Variants in ENTHD1 observed in about 807,000 individuals in gnomAD.
ENTHD1 encodes ENTH domain-containing protein 1.
In ENTHD1, 23 loss-of-function variants were observed where a neutral mutation model predicts 39.1. The ratio of observed to expected loss-of-function variants is 0.59; its 90% CI spans 0.42 to 0.83. The LOEUF (loss-of-function observed/expected upper bound fraction) is 0.83. ENTHD1 is among the 40% of genes least tolerant of loss of function. The pLI, the probability that ENTHD1 is intolerant of heterozygous loss-of-function variation, is 0.00. For synonymous variants in ENTHD1, 230 were observed against 258.2 expected, an observed-to-expected ratio of 0.89 and a Z score of 1.05; for missense variants, 624 against 705.4, an observed-to-expected ratio of 0.88 and a Z score of 1.31.
At chr22:39,778,945 C>T (rs1358529843) in intron 5 of ENTHD1, among the ~76,000 whole-genome samples, 1 of 152,088 alleles carries the variant, frequency 6.6e-6, no homozygotes, top group Non-Finnish European at 1.5e-5. Flanking sequence ...TTATTAAGCA[C>T]AGAAGATAAA....
In ENTHD1 at chr22:39,823,958, T is replaced by C. The variant is rs2065803875; in HGVS notation, c.712-2845A>G. ...CCATCTGTATTTGTTAAAATGACTG[T>C]TCATAACATGTGCCCATTTTCTAAT... On this transcript the variant is annotated intron_variant, in intron 4 of 6. Transcript: ENST00000325157. Among the ~76,000 whole-genome samples, 3 of 152,220 alleles carry C rather than the reference T, an allele frequency of 2.0e-5. No homozygotes were observed. In the South Asian group the frequency reaches 6.2e-4, roughly 31 times the overall value.
At chr22:39,750,500 C>T in intron 6 of ENTHD1, 1 of 153,430 alleles carries the variant, frequency 6.5e-6, no homozygotes. Flanking sequence ...AATGAAGCTG[C>T]AATTAAAAAA....
intron 4 of ENTHD1, among the ~76,000 whole-genome samples, chr22:39,824,370 C>T (rs1270759272): frequency 6.6e-6 from 1 of 151,812 alleles, no homozygotes; most frequent in Non-Finnish European, 1.5e-5. Flanking sequence ...CCACCACGAC[C>T]AGGTAATTTT....
At position 39,743,994 on chromosome 22, in the gene ENTHD1, C is replaced by A. The variant is rs2065082787; in HGVS notation, c.1509G>T (p.Lys503Asn). ...GACTACTAGAAATGTGACTTATATT[C>A]TTTTTAGCAGAATCAGAGTTATTTG... The part of the protein sequence containing the change: ...ILPNNSDSAK[K>N]NISHISSSHW... Residue 503 changes from lysine to asparagine, a missense_variant, in exon 7 of 7, where the codon AAG becomes AAT. By Grantham distance (94) the Lys-to-Asn change is moderately conservative. Transcript: ENST00000325157. 6.2e-7 allele frequency: 1 copy of A among 1,614,004 alleles called. No homozygotes were observed. The highest frequency in any genetic ancestry group is 1.1e-5 in the South Asian group (1 of 91,082).
intron 5 of ENTHD1, among the ~76,000 whole-genome samples, chr22:39,780,131 T>C (rs2065396642): frequency 6.6e-6 from 1 of 152,148 alleles, no homozygotes; most frequent in African/African-American, 2.4e-5. Flanking sequence ...TCCAGGACTT[T>C]GGGAGGCCAA....
chr22:39,880,452 T>C (rs796918504), intron 2 of ENTHD1, among the ~76,000 whole-genome samples: 5 of 152,240 alleles, frequency 3.3e-5, no homozygotes, highest in East Asian at 1.9e-4. Flanking sequence ...ACACCAAGAG[T>C]GCACCTTAAA....
intron 5 of ENTHD1, among the ~76,000 whole-genome samples, chr22:39,800,438 T>TTAATGCA (rs2065589631): frequency 1.3e-5 from 2 of 152,240 alleles, no homozygotes; most frequent in Non-Finnish European, 2.9e-5. Flanking sequence ...CATGTCAGGA[T>TTAATGCA]GAGATTAATC....
intron 5 of ENTHD1, among the ~76,000 whole-genome samples, chr22:39,772,716 T>C (rs1371438892): frequency 1.3e-5 from 2 of 152,142 alleles, no homozygotes; most frequent in Non-Finnish European, 2.9e-5. Flanking sequence ...AAAGATCTAA[T>C]TATATGCTGT....
intron 5 of ENTHD1, among the ~76,000 whole-genome samples, chr22:39,805,543 C>T (rs143690725): frequency 1.3e-5 from 2 of 152,252 alleles, no homozygotes; most frequent in African/African-American, 4.8e-5. Context: ...AGAAACACAG[C>T]TGCACAATTA....
intron 2 of ENTHD1, chr22:39,875,445 G>A (rs899260038): frequency 2.1e-5 from 32 of 1,521,396 alleles, no homozygotes; most frequent in Non-Finnish European, 2.8e-5. Flanking sequence ...TTCCTCAGCC[G>A]GGAGTCGCTG....
At chr22:39,854,949 T>G (rs1169071549) in intron 3 of ENTHD1, among the ~76,000 whole-genome samples, 2 of 152,210 alleles carry the variant, frequency 1.3e-5, no homozygotes. Context: ...CTCCATTTTC[T>G]CTAATGCAAA....
chr22:39,855,029 TA>T (rs1384581753), intron 3 of ENTHD1, among the ~76,000 whole-genome samples: 7 of 152,234 alleles, frequency 4.6e-5, no homozygotes, highest in Non-Finnish European at 8.8e-5. Context: ...CTCTACAGTC[TA>T]TCTTTAAACA....
At chr22:39,886,010 C>T (rs1485622552) in intron 2 of ENTHD1, among the ~76,000 whole-genome samples, 1 of 151,582 alleles carries the variant, frequency 6.6e-6, no homozygotes, top group African/African-American at 2.4e-5. Flanking sequence ...TATAACTGTA[C>T]ACCTTAAATG....
intron 5 of ENTHD1, among the ~76,000 whole-genome samples, chr22:39,777,877 A>G (rs934487688): frequency 2.6e-5 from 4 of 152,196 alleles, no homozygotes; most frequent in Non-Finnish European, 5.9e-5. Flanking sequence ...ATCTATTGCA[A>G]CGTTTCCTGT....
At chr22:39,861,395 C>G (rs2066138794) in intron 3 of ENTHD1, among the ~76,000 whole-genome samples, 1 of 152,048 alleles carries the variant, frequency 6.6e-6, no homozygotes, top group Non-Finnish European at 1.5e-5. Context: ...CAAAAATTAG[C>G]TGGGCATGGT....
Position 39,878,801 on chromosome 22 carries a change from TAATAA to T in ENTHD1, c.349+8594_349+8598del, listed in dbSNP as rs1220625925. 4.6e-5 allele frequency among the ~76,000 whole-genome samples: 7 copies of T among 152,204 alleles called. 1 individual carries two copies. Among genetic ancestry groups the T allele is most frequent in the African/African-American group, 1.7e-4 (7 of 41,564 alleles). Reference sequence around the variant, plus strand: ...AAATAAAAACTTTCTTATTATTTATTAATAAAATAATAGCAACAATGTATTTGATT... The same window carrying T: ...AAATAAAAACTTTCTTATTATTTATTAATAATAGCAACAATGTATTTGATT... On this transcript the variant is annotated intron_variant, in intron 2 of 6. Transcript: ENST00000325157.
intron 5 of ENTHD1, among the ~76,000 whole-genome samples, chr22:39,812,614 A>G (rs1330728575): frequency 1.3e-5 from 2 of 152,142 alleles, no homozygotes; most frequent in African/African-American, 4.8e-5. Flanking sequence ...AGCAAGGATG[A>G]CCTCAACAGG....
chr22:39,748,732 T>C (rs2065126590), intron 6 of ENTHD1, among the ~76,000 whole-genome samples: 2 of 152,108 alleles, frequency 1.3e-5, no homozygotes, highest in South Asian at 2.1e-4. Context: ...CCCCATGTTA[T>C]CATATATATT....
chr22:39,809,614 C>T (rs989980546), intron 5 of ENTHD1, among the ~76,000 whole-genome samples: 11 of 152,166 alleles, frequency 7.2e-5, no homozygotes, highest in African/African-American at 2.2e-4. Flanking sequence ...ACAATTTGCT[C>T]AGCCACCTTT....
Sources: allele counts gnomAD v4.1 joint callset (sites outside exome capture counted in the v4.1 genomes callset), GRCh38; gene constraint gnomAD v4.1.1; transcripts MANE v1.5; gene names NCBI Gene and HGNC (gene_info 2026-07-23, HGNC 2026-07-21).